Variants in CXCR5 observed in about 807,000 individuals in gnomAD.
The protein encoded by CXCR5 is C-X-C motif chemokine receptor 5.
In CXCR5, 3 loss-of-function variants were observed where a neutral mutation model predicts 5.6. That is an observed-to-expected ratio of 0.54 (90% confidence interval 0.24 to 1.39). The LOEUF (loss-of-function observed/expected upper bound fraction) is 1.39. CXCR5 is among the 40% of genes most tolerant of loss of function. The pLI is 0.16. For synonymous variants in CXCR5, 218 were observed against 219.9 expected (o/e 0.99, Z 0.08); for missense variants, 333 against 494.6 (o/e 0.67, Z 3.10).
intron 1 of CXCR5, among the ~76,000 whole-genome samples, chr11:118,889,062 G>A (rs1939766988): frequency 6.6e-6 from 1 of 152,066 alleles, no homozygotes; most frequent in African/African-American, 2.4e-5. Flanking sequence ...TAACATTTTG[G>A]GCCCTACCAC....
At chr11:118,888,234 T>A (rs948103586) in intron 1 of CXCR5, among the ~76,000 whole-genome samples, 8 of 152,100 alleles carry the variant, frequency 5.3e-5, no homozygotes, top group African/African-American at 1.9e-4. Flanking sequence ...TACCATCTCA[T>A]TGCTGGACAG....
chr11:118,887,926 G>A (rs1939740905), intron 1 of CXCR5, among the ~76,000 whole-genome samples: 1 of 152,234 alleles, frequency 6.6e-6, no homozygotes, highest in African/African-American at 2.4e-5. Flanking sequence ...GGAGTCCTGG[G>A]GTTCGGCCTG....
intron 1 of CXCR5, among the ~76,000 whole-genome samples, chr11:118,884,920 G>T (rs778177907): frequency 6.6e-6 from 1 of 152,150 alleles, no homozygotes; most frequent in Non-Finnish European, 1.5e-5. Flanking sequence ...CTTCTTCACT[G>T]TCTTTTCTCC....
intron 1 of CXCR5, among the ~76,000 whole-genome samples, chr11:118,888,184 C>T (rs1939746334): frequency 6.6e-6 from 1 of 152,150 alleles, no homozygotes; most frequent in Non-Finnish European, 1.5e-5. Flanking sequence ...GAATCTCTTC[C>T]CACACACTTG....
intron 1 of CXCR5, among the ~76,000 whole-genome samples, chr11:118,890,026 T>C (rs1939783760): frequency 1.3e-5 from 2 of 152,104 alleles, no homozygotes; most frequent in Non-Finnish European, 2.9e-5. Flanking sequence ...GCCCTGCTTC[T>C]CTCCTCCCTG....
Position 118,894,123 on chromosome 11 carries a change from C to G in CXCR5, c.579C>G (p.Gly193=). ...TTCTCTTCGCCAAAGTCAGCCAAGG[C>G]CATCACAACAACTCCCTGCCACGTT... ...PEILFAKVSQ[G]HHNNSLPRCT... is the part of the protein sequence containing the mutation. The change falls in exon 2 of 2, where the codon GGC becomes GGG. Residue 193 remains glycine (G), a synonymous_variant. Coordinates refer to ENST00000292174, the MANE Select transcript of CXCR5 (RefSeq NM_001716.5). This position sits in a 1 kb window ranked among gnomAD's most constrained non-coding sequence, Gnocchi z 6.1. The G allele has an allele frequency of 6.2e-7, 1 of 1,614,082 alleles. No homozygotes were observed. The highest frequency in any genetic ancestry group is 8.5e-7 in the Non-Finnish European group (1 of 1,180,040).
intron 1 of CXCR5, among the ~76,000 whole-genome samples, chr11:118,892,643 T>G (rs1939829566): frequency 8.1e-6 from 1 of 124,170 alleles, no homozygotes; most frequent in Admixed American, 8.8e-5. Context: ...GTTAGCTGGG[T>G]AAACAACCTG....
intron 1 of CXCR5, chr11:118,886,726 CTA>C (rs1939720213): frequency 4.0e-6 from 1 of 250,972 alleles, no homozygotes; most frequent in Admixed American, 5.2e-5. Flanking sequence ...TGGTCATAAA[CTA>C]TACCTCCAGC....
intron 1 of CXCR5, among the ~76,000 whole-genome samples, chr11:118,891,170 T>A (rs1256370452): frequency 9.2e-5 from 14 of 152,192 alleles, no homozygotes; most frequent in African/African-American, 2.6e-4. Flanking sequence ...CTTTATTTTT[T>A]AAAAAAATGT....
chr11:118,894,030 C>T lies in CXCR5; in HGVS notation c.486C>T (p.Arg162=). Residue 162 remains arginine, a synonymous_variant, in exon 2 of 2, where the codon CGC becomes CGT. Coordinates refer to ENST00000292174, the MANE Select transcript of CXCR5 (RefSeq NM_001716.5). The surrounding 1 kb of genome is among the most constrained non-coding windows in gnomAD (Gnocchi z 6.1). ...CCGTCCATGCCTACCGCCACCGCCG[C>T]CTCCTCTCCATCCACATCACCTGTG... ...VHAVHAYRHR[R]LLSIHITCGT... 6.2e-7 allele frequency: 1 copy of T among 1,613,936 alleles called. No homozygotes were observed. The highest frequency in any genetic ancestry group is 8.5e-7 in the Non-Finnish European group (1 of 1,180,030).
Position 118,894,984 on chromosome 11 carries a change from A to C in CXCR5, c.*321A>C. On this transcript the variant is annotated 3_prime_UTR_variant, in exon 2 of 2. Coordinates refer to ENST00000292174, the MANE Select transcript of CXCR5 (RefSeq NM_001716.5). The surrounding 1 kb of genome is among the most constrained non-coding windows in gnomAD (Gnocchi z 6.1). ...CATCCTAATCATCCAATGCTCAAGAAACAACTTCTACTTCTGCCCTTGCCA... is the reference window on the plus strand; with the variant it reads ...CATCCTAATCATCCAATGCTCAAGACACAACTTCTACTTCTGCCCTTGCCA... 3.5e-6 allele frequency: 1 copy of C among 285,782 alleles called. No homozygotes were observed. Among genetic ancestry groups the C allele is most frequent in the Non-Finnish European group, 6.9e-6 (1 of 144,818 alleles). 17.7% of individuals were successfully genotyped at this position (285,782 alleles called of 1,614,324 possible).
chr11:118,889,681 T>A (rs1939778623), intron 1 of CXCR5, among the ~76,000 whole-genome samples: 1 of 152,170 alleles, frequency 6.6e-6, no homozygotes, highest in Non-Finnish European at 1.5e-5. Context: ...AGATGTGCTG[T>A]CAATTCCCAG....
Position 118,896,456 on chromosome 11 carries a change from G to A in CXCR5, c.*1793G>A, listed in dbSNP as rs1156460904. 1 of 152,652 alleles carries A rather than the reference G, an allele frequency of 6.6e-6. No homozygotes were observed. The highest frequency in any genetic ancestry group is 2.4e-5 in the African/African-American group (1 of 41,444). 9.5% of individuals were successfully genotyped at this position (152,652 alleles called of 1,614,324 possible). ...AGGGCAGGAAACACAGAGTCAGACA[G>A]TTTGGGGGGGTCTTGGGCCAGGGGT... On this transcript the variant is annotated 3_prime_UTR_variant, in exon 2 of 2. Coordinates refer to ENST00000292174, the MANE Select transcript of CXCR5 (RefSeq NM_001716.5).
intron 1 of CXCR5, among the ~76,000 whole-genome samples, chr11:118,891,908 TAAG>T (rs1317740712): frequency 1.0e-5 from 1 of 98,494 alleles, no homozygotes; most frequent in African/African-American, 4.1e-5. Context: ...GTTGAAAAAA[TAAG>T]ATAAAGACAA....
rs745451082 is a variant in CXCR5, at chr11:118,897,766, T to TC, written c.*3103_*3104insC. On this transcript the variant is annotated 3_prime_UTR_variant, in exon 2 of 2. Coordinates refer to ENST00000292174, the MANE Select transcript of CXCR5 (RefSeq NM_001716.5). ...AAGGGTTTCTTTTATCCTTTTTTTT[T>TC]TGTGTGACTTCTATCAAAACACAGA... The TC allele has an allele frequency of 1.5e-4, 66 of 453,282 alleles. No homozygotes were observed. The highest frequency in any genetic ancestry group is 2.5e-4 in the Non-Finnish European group (57 of 226,200). The allele number at this position is 453,282 out of a possible 1,614,324, so 28.1% of individuals were successfully genotyped here. A position where few individuals can be genotyped will look rare whatever the true frequency, so the allele number is the denominator to read the frequency against.
At position 118,894,153 on chromosome 11, in the gene CXCR5, C is replaced by T. The variant is rs774735122; in HGVS notation, c.609C>T (p.Thr203=). The T allele has an allele frequency of 1.2e-6, 2 of 1,614,104 alleles. No individual in the cohort carries two copies. The highest frequency in any genetic ancestry group is 1.7e-6 in the Non-Finnish European group (2 of 1,180,032). ...ACAACAACTCCCTGCCACGTTGCAC[C>T]TTCTCCCAAGAGAACCAAGCAGAAA... The part of the protein sequence containing the change: ...GHHNNSLPRC[T]FSQENQAETH... Residue 203 remains threonine, a synonymous_variant, in exon 2 of 2, where the codon ACC becomes ACT. Transcript: ENST00000292174. This position sits in a 1 kb window ranked among gnomAD's most constrained non-coding sequence, Gnocchi z 6.1.
rs972084506 is a variant in CXCR5 at position 118,897,522 on chromosome 11, C to T, written c.*2859C>T. 8.9e-6 allele frequency: 3 copies of T among 337,480 alleles called. No homozygotes were observed. Among genetic ancestry groups the T allele is most frequent in the Non-Finnish European group, 1.7e-5 (3 of 172,932 alleles). 20.9% of individuals were successfully genotyped at this position (337,480 alleles called of 1,614,324 possible). A position where few individuals can be genotyped will look rare whatever the true frequency, so the allele number is the denominator to read the frequency against. The stretch of plus-strand genomic sequence containing the variant: ...CACTCAGCAGCAGACAGGCTGCCGC[C>T]CTGGGGGTCTCAGCCCTGCTAGGGC... On this transcript the variant is annotated 3_prime_UTR_variant, in exon 2 of 2. Coordinates refer to ENST00000292174, the MANE Select transcript of CXCR5 (RefSeq NM_001716.5).
In CXCR5 at chr11:118,894,246, G is replaced by A; in HGVS notation, c.702G>A (p.Met234Ile). Residue 234 changes from methionine to isoleucine, a missense_variant, in exon 2 of 2, where the codon ATG becomes ATA. Coordinates refer to ENST00000292174, the MANE Select transcript of CXCR5 (RefSeq NM_001716.5). This position sits in a 1 kb window ranked among gnomAD's most constrained non-coding sequence, Gnocchi z 6.1. ...VAGFLLPMLVMGWCYVGVVHR... is the reference protein window; with the variant it reads ...VAGFLLPMLVIGWCYVGVVHR... ...GATTCCTGCTGCCCATGCTGGTGAT[G>A]GGCTGGTGCTACGTGGGGGTAGTGC... 6.2e-7 allele frequency: 1 copy of A among 1,614,102 alleles called. No homozygotes were observed. Among genetic ancestry groups the A allele is most frequent in the Non-Finnish European group, 8.5e-7 (1 of 1,180,046 alleles).
chr11:118,892,030 G>C (rs1486039436), intron 1 of CXCR5, among the ~76,000 whole-genome samples: 1 of 152,182 alleles, frequency 6.6e-6, no homozygotes. Flanking sequence ...CCTGTCCTCT[G>C]TGCAGGAGGT....
Sources: allele counts gnomAD v4.1 joint callset (sites outside exome capture counted in the v4.1 genomes callset), GRCh38; gene constraint gnomAD v4.1.1; non-coding constraint Gnocchi (gnomAD v3.1); transcripts MANE v1.5; gene names NCBI Gene and HGNC (gene_info 2026-07-23, HGNC 2026-07-21).